ATRNL1: variants seen among roughly 807,000 people sequenced by gnomAD.
ATRNL1 encodes the protein attractin-like protein 1.
A neutral mutation model predicts 182.7 loss-of-function variants in ATRNL1; 95 were observed. That is an observed-to-expected ratio of 0.52 (90% confidence interval 0.44 to 0.62). ATRNL1 has a LOEUF of 0.62. ATRNL1 is among the 20% of genes least tolerant of loss of function. The pLI is 0.00. For synonymous variants in ATRNL1, 576 were observed against 568.3 expected, an observed-to-expected ratio of 1.01 and a Z score of -0.19; for missense variants, 1,471 against 1,679.5, an observed-to-expected ratio of 0.88 and a Z score of 2.17.
intron 26 of ATRNL1, among the ~76,000 whole-genome samples, chr10:115,707,373 C>A (rs186285071): frequency 1.3e-5 from 2 of 151,596 alleles, no homozygotes; most frequent in South Asian, 2.1e-4. Flanking sequence ...ATTTCCCAGG[C>A]ATAAAGATAT....
intron 17 of ATRNL1, among the ~76,000 whole-genome samples, chr10:115,314,137 A>G (rs1192181807): frequency 6.6e-6 from 1 of 152,144 alleles, no homozygotes; most frequent in East Asian, 1.9e-4. Context: ...TTTATCTACA[A>G]ATTTAACATT....
intron 22 of ATRNL1, among the ~76,000 whole-genome samples, chr10:115,466,300 C>T (rs151113494): frequency 2.6e-5 from 4 of 151,224 alleles, no homozygotes; most frequent in East Asian, 1.9e-4. Context: ...TCTCTTACTC[C>T]GTTTCACTAG....
intron 5 of ATRNL1, among the ~76,000 whole-genome samples, chr10:115,158,982 A>G (rs1846651087): frequency 6.6e-6 from 1 of 151,820 alleles, no homozygotes; most frequent in South Asian, 2.1e-4. Context: ...AAAGATTTGT[A>G]AAAAGTAGGT....
chr10:115,356,313 A>T (rs1185115756), intron 19 of ATRNL1, among the ~76,000 whole-genome samples: 1 of 152,122 alleles, frequency 6.6e-6, no homozygotes, highest in African/African-American at 2.4e-5. Context: ...ATAGCTTGAG[A>T]TGGAAATATT....
chr10:115,845,911 G>C (rs1255284306), intron 27 of ATRNL1, among the ~76,000 whole-genome samples: 2 of 151,664 alleles, frequency 1.3e-5, no homozygotes, highest in African/African-American at 4.8e-5. Context: ...TTTACATATT[G>C]TTTGCATTTA....
rs140385086 is a variant in ATRNL1 at position 115,241,628 on chromosome 10, T to C, written c.1590T>C (p.Asn530=). The C allele has an allele frequency of 1.2e-6, 2 of 1,612,142 alleles. No individual in the cohort carries two copies. The highest frequency in any genetic ancestry group is 2.7e-5 in the African/African-American group (2 of 74,878). ...ARYLHSAVLI[N]GAMLIFGGNT... ...ACCTTCATTCAGCTGTTCTTATCAA[T>C]GGAGCTATGCTTATTTTTGGAGGAA... The change falls in exon 10 of 29, where the codon AAT becomes AAC. Residue 530 remains asparagine, a synonymous_variant. Coordinates refer to ENST00000355044, the MANE Select transcript of ATRNL1 (RefSeq NM_207303.4).
intron 26 of ATRNL1, among the ~76,000 whole-genome samples, chr10:115,567,258 A>G (rs1854124011): frequency 1.3e-5 from 2 of 152,274 alleles, no homozygotes; most frequent in Admixed American, 1.3e-4. Context: ...AGTGACGTTA[A>G]TATTTTACAA....
At chr10:115,280,782 C>G (rs1330260071) in intron 13 of ATRNL1, among the ~76,000 whole-genome samples, 1 of 152,154 alleles carries the variant, frequency 6.6e-6, no homozygotes, top group African/African-American at 2.4e-5. Context: ...TGAAAATATA[C>G]CTTGGCAAAA....
chr10:115,280,975 A>G (rs1852334263), intron 13 of ATRNL1, among the ~76,000 whole-genome samples: 1 of 152,202 alleles, frequency 6.6e-6, no homozygotes, highest in African/African-American at 2.4e-5. Context: ...AAGGCAGTGT[A>G]GTTAGCTTTG....
At chr10:115,883,672 A>G (rs1401174825) in intron 28 of ATRNL1, among the ~76,000 whole-genome samples, 1 of 152,266 alleles carries the variant, frequency 6.6e-6, no homozygotes, top group African/African-American at 2.4e-5. Flanking sequence ...TTTTAAAAGG[A>G]CAACTAATTA....
At chr10:115,588,919 T>A (rs1555011245) in intron 26 of ATRNL1, among the ~76,000 whole-genome samples, 1 of 152,224 alleles carries the variant, frequency 6.6e-6, no homozygotes, top group East Asian at 1.9e-4. Context: ...TATAAGTAAT[T>A]TCCTTGCAGT....
chr10:115,172,841 G>GTT (rs35287042), intron 8 of ATRNL1, among the ~76,000 whole-genome samples: 1 of 142,608 alleles, frequency 7.0e-6, no homozygotes, highest in Non-Finnish European at 1.5e-5. Context: ...TTCTCAAGTT[G>GTT]TTTTTTTTTT....
chr10:115,753,433 T>C (rs1948503784), intron 27 of ATRNL1, among the ~76,000 whole-genome samples: 1 of 152,168 alleles, frequency 6.6e-6, no homozygotes, highest in Admixed American at 6.5e-5. Context: ...GTGTTTGGTT[T>C]TCCGTTCTCG....
chr10:115,701,999 G>C (rs143597543), intron 26 of ATRNL1, among the ~76,000 whole-genome samples: 2 of 151,126 alleles, frequency 1.3e-5, no homozygotes, highest in Admixed American at 1.3e-4. Context: ...AACAAAAAAA[G>C]AAAGTTATGC....
intron 25 of ATRNL1, among the ~76,000 whole-genome samples, chr10:115,523,825 T>C (rs1304185752): frequency 6.6e-6 from 1 of 152,228 alleles, no homozygotes; most frequent in African/African-American, 2.4e-5. Context: ...AAAGCCACTT[T>C]TACATTTTTA....
At chr10:115,919,193 C>G (rs1952970886) in intron 28 of ATRNL1, among the ~76,000 whole-genome samples, 1 of 152,050 alleles carries the variant, frequency 6.6e-6, no homozygotes, top group Non-Finnish European at 1.5e-5. Flanking sequence ...AAGAGGTGTT[C>G]CAATTCTACT....
At chr10:115,681,188 T>A (rs999802597) in intron 26 of ATRNL1, among the ~76,000 whole-genome samples, 8 of 152,176 alleles carry the variant, frequency 5.3e-5, no homozygotes, top group Non-Finnish European at 1.0e-4. Flanking sequence ...TAACTTTGAA[T>A]GTCAATTAAT....
At chr10:115,731,260 G>A (rs1947789401) in intron 27 of ATRNL1, among the ~76,000 whole-genome samples, 1 of 152,134 alleles carries the variant, frequency 6.6e-6, no homozygotes, top group Admixed American at 6.5e-5. Flanking sequence ...CACAGCAGGT[G>A]GGATCGGTAC....
chr10:115,788,205 C>T (rs1324462606), intron 27 of ATRNL1, among the ~76,000 whole-genome samples: 5 of 152,174 alleles, frequency 3.3e-5, no homozygotes, highest in South Asian at 2.1e-4. Context: ...TACTGGGTTT[C>T]GAGTAACATT....
Sources: allele counts gnomAD v4.1 joint callset (sites outside exome capture counted in the v4.1 genomes callset), GRCh38; gene constraint gnomAD v4.1.1; transcripts MANE v1.5; gene names NCBI Gene and HGNC (gene_info 2026-07-23, HGNC 2026-07-21).